Variants in FUCA1 observed in about 807,000 individuals in gnomAD.
FUCA1 encodes the protein alpha-L-fucosidase 1.
Under a neutral mutation model 56.8 loss-of-function variants are expected in FUCA1, and 52 were observed. That is an observed-to-expected ratio of 0.92 (90% CI 0.73 to 1.15). The LOEUF is 1.15. Ranked by LOEUF, FUCA1 falls within the 50% of genes most tolerant of loss-of-function variation. The probability of loss-of-function intolerance (pLI) is 0.00; values close to 1 mark genes in which losing one functional copy is unlikely to be tolerated. For missense variants in FUCA1, 568 were observed against 592.6 expected (o/e 0.96, Z 0.43); for synonymous variants, 230 against 226.6 (o/e 1.02, Z -0.14).
At chr1:23,862,472 T>G (rs1639529512) in intron 3 of FUCA1, among the ~76,000 whole-genome samples, 1 of 152,020 alleles carries the variant, frequency 6.6e-6, no homozygotes, top group Non-Finnish European at 1.5e-5. Context: ...TGGCTAAAGG[T>G]GATTTTCCTT....
intron 6 of FUCA1, among the ~76,000 whole-genome samples, chr1:23,847,714 C>T (rs1239300951): frequency 6.6e-6 from 1 of 152,060 alleles, no homozygotes; most frequent in South Asian, 2.1e-4. Context: ...AAATAAACCT[C>T]TATTCTTTAA....
chr1:23,865,735 A>G, intron 1 of FUCA1, 110 bp from the exon 2 acceptor site: 1 of 1,190,508 alleles, frequency 8.4e-7, no homozygotes, highest in South Asian at 1.2e-5. Context: ...ACCACAACAA[A>G]TGTACTTGTA....
chr1:23,848,138 G>T (rs562894303), intron 6 of FUCA1, among the ~76,000 whole-genome samples: 1 of 152,248 alleles, frequency 6.6e-6, no homozygotes, highest in South Asian at 2.1e-4. Flanking sequence ...TTAATAGAGG[G>T]ATTAGATCCA....
intron 3 of FUCA1, 66 bp from the exon 4 acceptor site, chr1:23,859,969 CA>C: frequency 2.6e-6 from 3 of 1,134,836 alleles, no homozygotes; most frequent in Non-Finnish European, 4.0e-6. Flanking sequence ...TCTTATGGAC[CA>C]TTTTTTTTTT....
At chr1:23,859,434 C>T (rs1353868506) in intron 4 of FUCA1, among the ~76,000 whole-genome samples, 1 of 151,968 alleles carries the variant, frequency 6.6e-6, no homozygotes, top group East Asian at 1.9e-4. Context: ...GGCCAGGTGG[C>T]GGGCCCCTGT....
intron 2 of FUCA1, among the ~76,000 whole-genome samples, chr1:23,865,123 T>C (rs1639596306): frequency 6.6e-6 from 1 of 152,190 alleles, no homozygotes; most frequent in Non-Finnish European, 1.5e-5. Flanking sequence ...TAGGCATGGC[T>C]GTGTTCCAAT....
Position 23,867,825 on chromosome 1 carries a change from C to A in FUCA1, c.389+73G>T. 2.7e-6 allele frequency: 4 copies of A among 1,468,738 alleles called. No homozygotes were observed. The highest frequency in any genetic ancestry group is 3.6e-6 in the Non-Finnish European group (4 of 1,117,984). The allele number at this position is 1,468,738 out of a possible 1,614,324, so 91.0% of individuals were successfully genotyped here. On this transcript the variant is annotated intron_variant, in intron 1 of 7. Transcript: ENST00000374479. The surrounding 1 kb of genome is among the most constrained non-coding windows in gnomAD (Gnocchi z 4.9). ...GGCGACCGGCAGCTGCGCGCCCCAG[C>A]TGGCCGCCCAGCCCCACCTCCTGTT...
Position 23,849,053 on chromosome 1 carries a change from G to A in FUCA1, c.970-214C>T, listed in dbSNP as rs181738723. Among the ~76,000 whole-genome samples the A allele has an allele frequency of 9.5e-3, 1,441 of 151,580 alleles. 24 individuals carry two copies. Among genetic ancestry groups the A allele is most frequent in the African/African-American group, 0.03 (1,252 of 41,300 alleles). ...CGTGATCTTGGCTCAACTGCATCTC[G>A]GCTCACTGCAACCTCCACCTCCCTG... is the stretch of plus-strand genomic sequence containing the variant. On this transcript the variant is annotated intron_variant, in intron 5 of 7. Coordinates refer to ENST00000374479, the MANE Select transcript of FUCA1 (RefSeq NM_000147.5).
At position 23,868,040 on chromosome 1, in the gene FUCA1, C is replaced by T; in HGVS notation, c.247G>A (p.Gly83Ser). ...GSEWFWWHWQ[G>S]EGRPQYQRFM... ...CGCTGGTACTGCGGCCGCCCCTCGC[C>T]CTGCCAGTGCCACCAGAACCACTCG... The change falls in exon 1 of 8, where the codon GGC becomes AGC. Residue 83 changes from glycine to serine, a missense_variant. Transcript: ENST00000374479. 1 of 1,610,942 alleles carries T rather than the reference C, an allele frequency of 6.2e-7. No homozygotes were observed. The highest frequency in any genetic ancestry group is 8.5e-7 in the Non-Finnish European group (1 of 1,179,324).
chr1:23,868,134 G>T lies in FUCA1; in HGVS notation c.153C>A (p.Ala51=). Reference sequence around the variant, plus strand: ...CCCCGAACTTGGCTTCGTCGAACCAGGCCGGCAGCGGCCGAGAATCCAGGC... The same window carrying T: ...CCCCGAACTTGGCTTCGTCGAACCATGCCGGCAGCGGCCGAGAATCCAGGC... ...WPSLDSRPLP[A]WFDEAKFGVF... is the part of the protein sequence containing the mutation. The change falls in exon 1 of 8, where the codon GCC becomes GCA. Residue 51 remains alanine (A), a synonymous_variant. Transcript: ENST00000374479. The T allele has an allele frequency of 6.2e-7, 1 of 1,610,738 alleles. No homozygotes were observed. The highest frequency in any genetic ancestry group is 8.5e-7 in the Non-Finnish European group (1 of 1,179,286).
At chr1:23,852,424 T>TA (rs35359105) in intron 5 of FUCA1, among the ~76,000 whole-genome samples, 95 of 150,262 alleles carry the variant, frequency 6.3e-4, no homozygotes, top group African/African-American at 1.8e-3. Context: ...CCCATTTCAT[T>TA]AAAAAAAACA....
intron 3 of FUCA1, among the ~76,000 whole-genome samples, chr1:23,861,710 A>C (rs1347889666): frequency 2.0e-5 from 3 of 152,170 alleles, no homozygotes; most frequent in Non-Finnish European, 4.4e-5. Flanking sequence ...TATGGTAAGC[A>C]TTATTATTCT....
rs1368694041 is a variant in FUCA1, at chr1:23,863,168, T to C, written c.628A>G (p.Lys210Glu). Residue 210 changes from lysine to glutamate, a missense_variant, in exon 3 of 8, where the codon AAA becomes GAA. Physicochemically the swap from Lys to Glu is moderately conservative, Grantham distance 56 (BLOSUM62 1). Coordinates refer to ENST00000374479, the MANE Select transcript of FUCA1 (RefSeq NM_000147.5). ...AGGTCGTACAGCTCTGGCATTGTTT[T>C]TGCACTGACAAAATGCTGTGTTTTG... ...GFKTQHFVSA[K>E]TMPELYDLVN... 1.9e-6 allele frequency: 3 copies of C among 1,614,086 alleles called. No individual in the cohort carries two copies. Among genetic ancestry groups the C allele is most frequent in the South Asian group, 1.1e-5 (1 of 91,086 alleles).
intron 6 of FUCA1, among the ~76,000 whole-genome samples, chr1:23,847,630 T>C (rs764871776): frequency 6.6e-6 from 1 of 152,142 alleles, no homozygotes; most frequent in Middle Eastern, 3.2e-3. Flanking sequence ...AACCATGTCA[T>C]GATGTAGCAG....
intron 4 of FUCA1, among the ~76,000 whole-genome samples, chr1:23,855,277 C>G (rs1398208327): frequency 6.6e-6 from 1 of 152,162 alleles, no homozygotes; most frequent in Non-Finnish European, 1.5e-5. Flanking sequence ...GCAGGCAGAT[C>G]ATGAGGTCAG....
chr1:23,848,692 T>C lies in FUCA1; in HGVS notation c.1117A>G (p.Lys373Glu), dbSNP rs750510122. The change falls in exon 6 of 8, where the codon AAA becomes GAA. Residue 373 changes from lysine (K) to glutamate (E), a missense_variant. Transcript: ENST00000374479. ...SINGEAIYAS[K>E]PWRVQWEKNT... is the part of the protein sequence containing the mutation. ...TTTTCCCATTGCACCCGCCATGGTT[T>C]GGAGGCATAGATAGCCTCCCCATTG... 1 of 1,614,194 alleles carries C rather than the reference T, an allele frequency of 6.2e-7. No individual in the cohort carries two copies.
rs530615214 is a variant in FUCA1 at position 23,845,906 on chromosome 1, T to G, written c.1261-51A>C. The G allele has an allele frequency of 1.7e-5, 28 of 1,609,278 alleles. 2 individuals carry two copies. The African/African-American group carries it at 3.7e-4, about 21-fold the overall frequency. On this transcript the variant is annotated intron_variant, in intron 7 of 7. Coordinates refer to ENST00000374479, the MANE Select transcript of FUCA1 (RefSeq NM_000147.5). ...CAAACTGGTAATGCACTAATGAGTA[T>G]AGAATACAGGCTGACTATGGTAGGA...
chr1:23,862,809 A>C (rs1398958488), intron 3 of FUCA1, among the ~76,000 whole-genome samples: 1 of 152,168 alleles, frequency 6.6e-6, no homozygotes, highest in Admixed American at 6.5e-5. Context: ...TTCAAACACA[A>C]ATCTGCCCGA....
rs747172772 is a variant in FUCA1, at chr1:23,859,826, G to T, written c.740C>A (p.Ser247Ter). ...DTYWNSTNFL[S>*]WLYNDSPVKD... Reference sequence around the variant, plus strand: ...GACAGGGCTGTCATTGTAGAGCCATGAAAGAAAATTTGTGGAGTTCCAGTA... The same window carrying T: ...GACAGGGCTGTCATTGTAGAGCCATTAAAGAAAATTTGTGGAGTTCCAGTA... The change falls in exon 4 of 8, where the codon TCA (serine) becomes TAA (stop). Residue 247 changes from serine (S) to a stop codon, truncating the protein, a stop_gained. Coordinates refer to ENST00000374479, the MANE Select transcript of FUCA1 (RefSeq NM_000147.5). LOFTEE classifies it high-confidence loss of function. 3.1e-6 allele frequency: 5 copies of T among 1,611,536 alleles called. No homozygotes were observed. Among genetic ancestry groups the T allele is most frequent in the Non-Finnish European group, 3.4e-6 (4 of 1,177,800 alleles).
Sources: gnomAD v4.1 joint callset for allele counts (sites outside exome capture counted in the v4.1 genomes callset) on GRCh38, gnomAD v4.1.1 for gene constraint, Gnocchi (gnomAD v3.1) non-coding constraint, MANE v1.5 for transcripts, NCBI Gene and HGNC (gene_info 2026-07-23, HGNC 2026-07-21) for gene names.